Variants in TRMT5 observed in about 807,000 individuals in gnomAD.
The protein encoded by TRMT5 is tRNA (guanine(37)-N(1))-methyltransferase.
A neutral mutation model predicts 42.2 loss-of-function variants in TRMT5; 31 were observed. That is an observed-to-expected ratio of 0.73 (90% CI 0.55 to 0.99). The LOEUF is 0.99. TRMT5 is among the 50% of genes least tolerant of loss of function. The pLI, the probability that TRMT5 is intolerant of heterozygous loss-of-function variation, is 0.00. For missense variants in TRMT5, 568 were observed against 595.0 expected (o/e 0.95, Z 0.47); for synonymous variants, 198 against 209.6 (o/e 0.94, Z 0.48).
rs1330576812 is a variant in TRMT5 at position 60,972,509 on chromosome 14, C to T, written c.*2600G>A. ...CGGGATGTGGGCACCGGGTGTGGGA[C>T]GCAGCAGCGCGCGGGCTTTGGTCGG... On this transcript the variant is annotated 3_prime_UTR_variant, in exon 5 of 5. Coordinates refer to ENST00000261249, the MANE Select transcript of TRMT5 (RefSeq NM_020810.3). 4.4e-6 allele frequency: 2 copies of T among 456,260 alleles called. No homozygotes were observed. Among genetic ancestry groups the T allele is most frequent in the Non-Finnish European group, 8.7e-6 (2 of 229,978 alleles). 28.3% of individuals were successfully genotyped at this position (456,260 alleles called of 1,614,324 possible).
In TRMT5 at chr14:60,975,722, GA is replaced by G. The variant is rs2036837698; in HGVS notation, c.1196del (p.Phe399SerfsTer5). 6.2e-7 allele frequency: 1 copy of G among 1,614,110 alleles called. No homozygotes were observed. The highest frequency in any genetic ancestry group is 1.3e-5 in the African/African-American group (1 of 74,926). On this transcript the variant is annotated frameshift_variant, in exon 4 of 5. Transcript: ENST00000261249. LOFTEE classifies it high-confidence loss of function. ...PAKAIEFLSA[F>X]KWLLDGQPCS... ...ATGGCTGCCCATCTAAAAGCCACTT[GA>G]AAGCACTAAGAAACTCTATAGCTTT...
At position 60,975,126 on chromosome 14, in the gene TRMT5, T is replaced by C; in HGVS notation, c.1513A>G (p.Ile505Val). ...AEAFSDEKTQ[I>V]VSNT The stretch of plus-strand genomic sequence containing the variant: ...ATTTCCAATTAAGTGTTTGAAACAA[T>C]TTGTGTTTTTTCGTCTGAAAAGGCT... The change falls in exon 5 of 5, where the codon ATT (isoleucine) becomes GTT (valine). Residue 505 changes from isoleucine to valine, a missense_variant. Physicochemically the swap from Ile to Val is conservative, Grantham distance 29. Coordinates refer to ENST00000261249, the MANE Select transcript of TRMT5 (RefSeq NM_020810.3). The C allele has an allele frequency of 1.9e-6, 3 of 1,610,024 alleles. No homozygotes were observed. The highest frequency in any genetic ancestry group is 1.1e-5 in the South Asian group (1 of 90,302).
intron 3 of TRMT5, among the ~76,000 whole-genome samples, chr14:60,977,021 C>T (rs2036856666): frequency 6.6e-6 from 1 of 151,990 alleles, no homozygotes; most frequent in Admixed American, 6.6e-5. Flanking sequence ...ACCTTAATTC[C>T]CAATTTGTAT....
rs1457947776 is a variant in TRMT5, at chr14:60,975,801, C to G, written c.1118G>C (p.Gly373Ala). ...PVKEELMQLLGLSKERKPSVH... is the reference protein window; with the variant it reads ...PVKEELMQLLALSKERKPSVH... ...AGAGGGTTTTCTTTCTTTTGACAGA[C>G]CCAGCAGCTGCATTAACTCTTCTTT... The change falls in exon 4 of 5, where the codon GGT becomes GCT. Residue 373 changes from glycine (G) to alanine (A), a missense_variant. Physicochemically the swap from Gly to Ala is moderately conservative, Grantham distance 60 (BLOSUM62 0). Coordinates refer to ENST00000261249, the MANE Select transcript of TRMT5 (RefSeq NM_020810.3). The G allele has an allele frequency of 5.0e-6, 8 of 1,614,206 alleles. No individual in the cohort carries two copies. The highest frequency in any genetic ancestry group is 6.8e-6 in the Non-Finnish European group (8 of 1,180,032).
chr14:60,977,472 A>G, intron 3 of TRMT5, 42 bp downstream of exon 3: 2 of 1,558,832 alleles, frequency 1.3e-6, no homozygotes, highest in Non-Finnish European at 1.7e-6. Context: ...GACTCTAAAC[A>G]TAATATTGAT....
chr14:60,972,307 T>G lies in TRMT5; in HGVS notation c.*2802A>C. ...GCATCAGCTTTTCTCTTTTTCCCTTTGGGTACCTTCTCTCCCTTCTTTGCA... is the reference window on the plus strand; with the variant it reads ...GCATCAGCTTTTCTCTTTTTCCCTTGGGGTACCTTCTCTCCCTTCTTTGCA... On this transcript the variant is annotated 3_prime_UTR_variant, in exon 5 of 5. Transcript: ENST00000261249. The G allele has an allele frequency of 5.6e-6, 3 of 539,602 alleles. No individual in the cohort carries two copies. In the Admixed American group the frequency reaches 5.8e-5, roughly 10 times the overall value. 33.4% of individuals were successfully genotyped at this position (539,602 alleles called of 1,614,324 possible).
chr14:60,978,156 T>C (rs1443350213), intron 2 of TRMT5, among the ~76,000 whole-genome samples: 1 of 152,204 alleles, frequency 6.6e-6, no homozygotes, highest in African/African-American at 2.4e-5. Context: ...CATAGATTAT[T>C]TACAGTCCTA....
intron 3 of TRMT5, among the ~76,000 whole-genome samples, chr14:60,976,802 T>A (rs138954399): frequency 1.1e-3 from 165 of 152,300 alleles, no homozygotes; most frequent in Non-Finnish European, 1.7e-3. Context: ...AGCTAATTCT[T>A]GAACAAAAGA....
At chr14:60,977,467 T>G (rs746824669) in intron 3 of TRMT5, 47 bp downstream of exon 3, 1 of 1,549,800 alleles carries the variant, frequency 6.5e-7, no homozygotes, top group Admixed American at 2.0e-5. Flanking sequence ...ATTCTGACTC[T>G]AAACATAATA....
intron 3 of TRMT5, 25 bp from the exon 4 acceptor site, chr14:60,976,151 G>A: frequency 1.3e-6 from 2 of 1,583,190 alleles, no homozygotes; most frequent in Non-Finnish European, 1.7e-6. Flanking sequence ...TATGCTTTTT[G>A]GTTAATTTCC....
chr14:60,977,432 C>T (rs1472406571), intron 3 of TRMT5, 82 bp downstream of exon 3: 7 of 1,394,610 alleles, frequency 5.0e-6, no homozygotes, highest in Non-Finnish European at 6.8e-6. Context: ...CTGGATGTTA[C>T]AAGTATTTTA....
chr14:60,981,254 A>G (rs750342980), upstream of TRMT5: 11 of 1,581,110 alleles, frequency 7.0e-6, no homozygotes, highest in East Asian at 1.2e-4. Flanking sequence ...CGTAGATGGA[A>G]CTGGTAGTCA....
chr14:60,978,337 T>A (rs904836889), intron 2 of TRMT5, among the ~76,000 whole-genome samples: 2 of 152,208 alleles, frequency 1.3e-5, no homozygotes, highest in Admixed American at 1.3e-4. Flanking sequence ...TACCCAATTA[T>A]ACAATATCCT....
At chr14:60,977,664 A>G (rs1308687840) in intron 2 of TRMT5, 26 bp from the exon 3 acceptor site, 9 of 1,575,500 alleles carry the variant, frequency 5.7e-6, no homozygotes, top group Non-Finnish European at 6.9e-6. Flanking sequence ...AAAATCCATA[A>G]TACTGCCTAT....
intron 2 of TRMT5, 72 bp downstream of exon 2, chr14:60,979,156 AAAT>A (rs1331387672): frequency 1.4e-5 from 19 of 1,357,274 alleles, no homozygotes. Flanking sequence ...GCATTAAAAA[AAAT>A]AATTTTTAAA....
upstream of TRMT5, chr14:60,981,251 G>A (rs1208719106): frequency 1.2e-5 from 19 of 1,577,120 alleles, no homozygotes; most frequent in East Asian, 2.3e-5. Flanking sequence ...GCTCGTAGAT[G>A]GAACTGGTAG....
Position 60,975,198 on chromosome 14 carries a change from TAATA to T in TRMT5, c.1445-8_1445-5del, listed in dbSNP as rs1354216795. On this transcript the variant is annotated splice_polypyrimidine_tract_variant and splice_region_variant and intron_variant, in intron 4 of 4. Coordinates refer to ENST00000261249, the MANE Select transcript of TRMT5 (RefSeq NM_020810.3). The stretch of plus-strand genomic sequence containing the variant: ...AGAGGTGGATCTTCATGATTCTCTG[TAATA>T]AATCCAGAAAACCTATTTTAGGTAA... The T allele has an allele frequency of 6.3e-7, 1 of 1,595,670 alleles. No individual in the cohort carries two copies. The highest frequency in any genetic ancestry group is 1.4e-5 in the African/African-American group (1 of 73,586).
At position 60,981,077 on chromosome 14, in the gene TRMT5, T is replaced by C. The variant is rs28372751; in HGVS notation, c.-104A>G. 8.1e-6 allele frequency: 13 copies of C among 1,604,044 alleles called. No homozygotes were observed. In the East Asian group the frequency reaches 2.7e-4, roughly 33 times the overall value. ...GTCGCGGGTGGATGGGCGGGTCTTC[T>C]ATGACATCATCACTGTTCGCCGCGA... On this transcript the variant is annotated 5_prime_UTR_variant, in exon 1 of 5. In the 5' UTR this introduces an upstream ATG that the reference lacks. Transcript: ENST00000261249.
chr14:60,978,328 A>T (rs1336805820), intron 2 of TRMT5, among the ~76,000 whole-genome samples: 1 of 152,194 alleles, frequency 6.6e-6, no homozygotes, highest in Non-Finnish European at 1.5e-5. Flanking sequence ...AGCACACAGT[A>T]CCCAATTATA....
Sources: allele counts gnomAD v4.1 joint callset (sites outside exome capture counted in the v4.1 genomes callset), GRCh38; gene constraint gnomAD v4.1.1; transcripts MANE v1.5; gene names NCBI Gene and HGNC (gene_info 2026-07-23, HGNC 2026-07-21).